Variants in RGS6 observed in about 807,000 individuals in gnomAD.
RGS6 encodes the protein regulator of G protein signaling 6.
Under a neutral mutation model 78.5 loss-of-function variants are expected in RGS6, and 30 were observed. That is an observed-to-expected ratio of 0.38 (90% CI 0.29 to 0.52). The LOEUF (loss-of-function observed/expected upper bound fraction) is 0.52, where lower values mean the gene tolerates loss of function less well. Ranked by LOEUF, RGS6 falls within the 20% of genes least tolerant of loss-of-function variation. The pLI is 0.85. For synonymous variants in RGS6, 206 were observed against 206.0 expected, an observed-to-expected ratio of 1.00 and a Z score of 0.00; for missense variants, 495 against 609.7, an observed-to-expected ratio of 0.81 and a Z score of 1.98.
intron 13 of RGS6, among the ~76,000 whole-genome samples, chr14:72,509,901 C>G (rs376567364): frequency 6.6e-6 from 1 of 152,200 alleles, no homozygotes; most frequent in East Asian, 1.9e-4. Flanking sequence ...TGGTAGACAG[C>G]AGCCATTTGA....
chr14:72,531,226 A>G (rs565989150), intron 15 of RGS6, among the ~76,000 whole-genome samples: 4 of 152,228 alleles, frequency 2.6e-5, no homozygotes, highest in South Asian at 4.1e-4. Flanking sequence ...TGAGGCCAGG[A>G]GTTCGAGACC....
chr14:72,488,721 C>CA (rs1458264045), intron 12 of RGS6, among the ~76,000 whole-genome samples: 1 of 152,206 alleles, frequency 6.6e-6, no homozygotes, highest in Non-Finnish European at 1.5e-5. Context: ...GCTGAACTCT[C>CA]ACCACAGCCT....
intron 2 of RGS6, among the ~76,000 whole-genome samples, chr14:72,334,159 G>C (rs2075591034): frequency 6.6e-6 from 1 of 152,222 alleles, no homozygotes; most frequent in South Asian, 2.1e-4. Flanking sequence ...GGAACGGAAA[G>C]GATTTTGTGT....
rs185809416 is a variant in RGS6 at position 72,176,889 on chromosome 14, T to C, written c.85-175206T>C. On this transcript the variant is annotated intron_variant, in intron 2 of 17. Transcript: ENST00000553525. ...CAACCCACCACCCCAGAAGGAGCTCTTGTGCCCCTTTCCAATCTCTCCCCA... is the reference window on the plus strand; with the variant it reads ...CAACCCACCACCCCAGAAGGAGCTCCTGTGCCCCTTTCCAATCTCTCCCCA... Among the ~76,000 whole-genome samples, 93 of 152,288 alleles carry C rather than the reference T, an allele frequency of 6.1e-4. 1 individual carries two copies. Among genetic ancestry groups the C allele is most frequent in the Admixed American group, 3.3e-4 (5 of 15,298 alleles).
At chr14:72,330,490 CAATACCCTCTTACTG>C (rs1003913163) in intron 2 of RGS6, among the ~76,000 whole-genome samples, 46 of 152,274 alleles carry the variant, frequency 3.0e-4, no homozygotes, top group Middle Eastern at 3.4e-3. Context: ...CAAGGAGGCC[CAATACCCTCTTACTG>C]AATACCCACC....
chr14:72,404,415 T>A (rs539181258), intron 3 of RGS6, among the ~76,000 whole-genome samples: 1 of 152,296 alleles, frequency 6.6e-6, no homozygotes, highest in South Asian at 2.1e-4. Flanking sequence ...CCCATCTGCC[T>A]TGTTCCAGCA....
chr14:71,984,393 C>T (rs981748912), intron 2 of RGS6, among the ~76,000 whole-genome samples: 37 of 145,870 alleles, frequency 2.5e-4, no homozygotes, highest in African/African-American at 9.4e-4. Context: ...ATCTGTAGTC[C>T]TAGCTACTGA....
chr14:72,025,036 G>A (rs1165522509), intron 2 of RGS6, among the ~76,000 whole-genome samples: 1 of 152,198 alleles, frequency 6.6e-6, no homozygotes, highest in Non-Finnish European at 1.5e-5. Context: ...GCAAGAGCTA[G>A]GGACAGAGAG....
chr14:72,369,920 A>C (rs1366268156), intron 3 of RGS6, among the ~76,000 whole-genome samples: 3 of 152,186 alleles, frequency 2.0e-5, no homozygotes, highest in Non-Finnish European at 4.4e-5. Flanking sequence ...CACTTCGAAA[A>C]GTGGTATATT....
At chr14:72,110,638 A>G (rs17107452) in intron 2 of RGS6, among the ~76,000 whole-genome samples, 1 of 152,212 alleles carries the variant, frequency 6.6e-6, no homozygotes, top group Non-Finnish European at 1.5e-5. Flanking sequence ...GCAAACATGG[A>G]CATTCTTATG....
At chr14:71,928,436 T>C (rs887543197), upstream of RGS6, among the ~76,000 whole-genome samples, 1 of 152,192 alleles carries the variant, frequency 6.6e-6, no homozygotes, top group African/African-American at 2.4e-5. Flanking sequence ...AGCTGTCAAA[T>C]GTCATGAATG....
the RGS6 span, among the ~76,000 whole-genome samples, chr14:71,916,531 A>G: frequency 1.3e-5 from 2 of 152,190 alleles, no homozygotes; most frequent in Non-Finnish European, 2.9e-5. Context: ...TGAGGATTGA[A>G]AAGAAAATTA....
intron 2 of RGS6, among the ~76,000 whole-genome samples, chr14:72,168,532 G>A (rs1009516736): frequency 2.4e-4 from 37 of 152,130 alleles, no homozygotes; most frequent in African/African-American, 8.0e-4. Flanking sequence ...AAAAATAAAG[G>A]GCGTAAGATA....
At chr14:72,069,619 G>T (rs757956623) in intron 2 of RGS6, among the ~76,000 whole-genome samples, 6 of 152,012 alleles carry the variant, frequency 3.9e-5, no homozygotes, top group Non-Finnish European at 7.4e-5. Context: ...AATGATTGCA[G>T]CCTCGACCTC....
At chr14:72,144,764 AAGCGGTATAACC>A (rs1403852586) in intron 2 of RGS6, among the ~76,000 whole-genome samples, 1 of 142,208 alleles carries the variant, frequency 7.0e-6, no homozygotes, top group Non-Finnish European at 1.5e-5. Context: ...TTTTTTTTTG[AAGCGGTATAACC>A]ACCCAGTGGG....
intron 1 of RGS6, among the ~76,000 whole-genome samples, chr14:71,933,795 G>T (rs976945758): frequency 2.0e-5 from 3 of 152,082 alleles, no homozygotes; most frequent in Non-Finnish European, 4.4e-5. Flanking sequence ...CAACCCCAAA[G>T]AAAAACGCAA....
intron 2 of RGS6, among the ~76,000 whole-genome samples, chr14:72,168,996 C>T (rs531836119): frequency 6.6e-6 from 1 of 152,374 alleles, no homozygotes; most frequent in African/African-American, 2.4e-5. Flanking sequence ...TCCTCACCTT[C>T]CACCTGCCCA....
intron 17 of RGS6, among the ~76,000 whole-genome samples, chr14:72,543,547 C>G (rs149141421): frequency 2.0e-3 from 299 of 152,338 alleles, no homozygotes; most frequent in African/African-American, 6.9e-3. Context: ...TTTGCTTCAC[C>G]TTCCAGCTGT....
chr14:72,551,768 A>G (rs2097510319), intron 17 of RGS6, among the ~76,000 whole-genome samples: 1 of 152,224 alleles, frequency 6.6e-6, no homozygotes, highest in Non-Finnish European at 1.5e-5. Context: ...AAGAGCTGCC[A>G]TTTATTGGGA....
Sources: allele counts gnomAD v4.1 joint callset (sites outside exome capture counted in the v4.1 genomes callset), GRCh38; gene constraint gnomAD v4.1.1; transcripts MANE v1.5; gene names NCBI Gene and HGNC (gene_info 2026-07-23, HGNC 2026-07-21).